PDE9A: variants seen among roughly 807,000 people sequenced by gnomAD.
The protein encoded by PDE9A is high affinity cGMP-specific 3',5'-cyclic phosphodiesterase 9A.
Under a neutral mutation model 87.4 loss-of-function variants are expected in PDE9A, and 60 were observed. That is an observed-to-expected ratio of 0.69 (90% CI 0.56 to 0.85). The LOEUF (loss-of-function observed/expected upper bound fraction) is 0.85. PDE9A is among the 40% of genes least tolerant of loss of function. The pLI is 0.00. For missense variants in PDE9A, 665 were observed against 779.0 expected (o/e 0.85, Z 1.74); for synonymous variants, 272 against 279.4 (o/e 0.97, Z 0.27).
chr21:42,773,784 G>C (rs2057254580), intron 19 of PDE9A, among the ~76,000 whole-genome samples: 1 of 151,112 alleles, frequency 6.6e-6, no homozygotes, highest in East Asian at 2.0e-4. Flanking sequence ...CTGGGCAACA[G>C]AGCGAGACTT....
Position 42,653,888 on chromosome 21 carries a change from C to T in PDE9A, c.69+5C>T. 6.5e-7 allele frequency: 1 copy of T among 1,526,972 alleles called. No individual in the cohort carries two copies. The highest frequency in any genetic ancestry group is 2.5e-5 in the East Asian group (1 of 39,306). The allele number at this position is 1,526,972 out of a possible 1,614,324, so 94.6% of individuals were successfully genotyped here. On this transcript the variant is annotated splice_donor_5th_base_variant and intron_variant, in intron 1 of 19. Coordinates refer to ENST00000291539, the MANE Select transcript of PDE9A (RefSeq NM_002606.3). ...ATCGATGGACGCATTCAGAAGGTAG[C>T]CCCTCCCCCACCCAGACACCCCCTC...
intron 9 of PDE9A, 77 bp from the exon 10 acceptor site, chr21:42,753,913 G>C: frequency 2.8e-6 from 2 of 711,504 alleles, no homozygotes; most frequent in Admixed American, 5.1e-5. Flanking sequence ...GGGAGAAAGA[G>C]GAGAAATATC....
At chr21:42,749,407 T>C (rs1467896755) in intron 8 of PDE9A, among the ~76,000 whole-genome samples, 1 of 152,024 alleles carries the variant, frequency 6.6e-6, no homozygotes, top group African/African-American at 2.4e-5. Context: ...TGAACCCAGA[T>C]CGGCCCAGCC....
intron 18 of PDE9A, among the ~76,000 whole-genome samples, chr21:42,771,445 C>T (rs1348688050): frequency 6.6e-6 from 1 of 152,228 alleles, no homozygotes; most frequent in Non-Finnish European, 1.5e-5. Flanking sequence ...CTCCCAGCCT[C>T]CTGCCTCCTC....
chr21:42,692,163 C>T lies in PDE9A; in HGVS notation c.218+4169C>T, dbSNP rs1273985676. ...TTTCCAGCCCCTAAACGAGGCGGGGCATGCTGGGTGCAGGATGGAATGAGT... is the reference window on the plus strand; with the variant it reads ...TTTCCAGCCCCTAAACGAGGCGGGGTATGCTGGGTGCAGGATGGAATGAGT... On this transcript the variant is annotated intron_variant, in intron 3 of 19. Coordinates refer to ENST00000291539, the MANE Select transcript of PDE9A (RefSeq NM_002606.3). This position sits in a 1 kb window ranked among gnomAD's most constrained non-coding sequence, Gnocchi z 4.3. Among the ~76,000 whole-genome samples, 1 of 152,232 alleles carries T rather than the reference C, an allele frequency of 6.6e-6. No homozygotes were observed.
intron 8 of PDE9A, 62 bp from the exon 9 acceptor site, chr21:42,751,054 G>A: frequency 1.8e-6 from 2 of 1,090,550 alleles, no homozygotes; most frequent in Non-Finnish European, 2.8e-6. Context: ...CTTTTGCTGT[G>A]CTGAGGGCTT....
intron 4 of PDE9A, among the ~76,000 whole-genome samples, chr21:42,707,304 T>C (rs1355940443): frequency 3.9e-5 from 6 of 152,072 alleles, no homozygotes; most frequent in Non-Finnish European, 7.4e-5. Context: ...GCAGCCTGGG[T>C]GGGAGGTCCC....
chr21:42,764,280 T>C (rs1569270357), intron 14 of PDE9A, among the ~76,000 whole-genome samples: 1 of 152,248 alleles, frequency 6.6e-6, no homozygotes, highest in Non-Finnish European at 1.5e-5. Context: ...TGGTTCCCAG[T>C]ACAGTTATCT....
intron 16 of PDE9A, 117 bp downstream of exon 16, chr21:42,768,409 G>C (rs2056610431): frequency 1.9e-6 from 2 of 1,029,218 alleles, no homozygotes; most frequent in Admixed American, 2.4e-5. Context: ...GCTGCCGACA[G>C]TTCAGCCTCC....
rs891906667 is a variant in PDE9A, at chr21:42,759,912, T to A, written c.898-416T>A. Among the ~76,000 whole-genome samples the A allele has an allele frequency of 5.3e-5, 8 of 152,142 alleles. No individual in the cohort carries two copies. The highest frequency in any genetic ancestry group is 3.9e-4 in the East Asian group (2 of 5,192). On this transcript the variant is annotated intron_variant, in intron 11 of 19. Transcript: ENST00000291539. This position sits in a 1 kb window ranked among gnomAD's most constrained non-coding sequence, Gnocchi z 7.2. ...GAATATGTTTGGCAGCAGGTTTTTT[T>A]AATGAAATATTGCTCAGAACCAAAT...
At chr21:42,670,158 CACACACATTCACACGCACACATACACTT>C (rs2058330353) in intron 1 of PDE9A, among the ~76,000 whole-genome samples, 1 of 101,558 alleles carries the variant, frequency 9.8e-6, no homozygotes, top group East Asian at 5.1e-4. Flanking sequence ...CATTCACACG[CACACACATTCACACGCACACATACACTT>C]ACACACATTC....
chr21:42,680,225 A>ACAGT (rs2059095411), intron 1 of PDE9A, among the ~76,000 whole-genome samples: 1 of 152,238 alleles, frequency 6.6e-6, no homozygotes, highest in Non-Finnish European at 1.5e-5. Flanking sequence ...TGGCTCACTG[A>ACAGT]CAGTCGCCAC....
chr21:42,721,296 C>T (rs1224778361), intron 4 of PDE9A, among the ~76,000 whole-genome samples: 1 of 152,154 alleles, frequency 6.6e-6, no homozygotes, highest in Admixed American at 6.5e-5. Context: ...CGATTCAATG[C>T]CTGCCCCTGA....
intron 7 of PDE9A, among the ~76,000 whole-genome samples, chr21:42,737,601 C>G (rs13051037): frequency 0.56 from 84,866 of 151,370 alleles, 23,989 homozygotes; most frequent in South Asian, 0.69. Context: ...GGGATTATAG[C>G]TGCCCGCCAC....
chr21:42,741,137 C>A (rs1025589798), intron 7 of PDE9A: 1 of 152,238 alleles, frequency 6.6e-6, no homozygotes, highest in Admixed American at 6.5e-5. Flanking sequence ...GACTGAGCTC[C>A]TTTCTGCCAC....
At chr21:42,665,592 G>C (rs897545825) in intron 1 of PDE9A, among the ~76,000 whole-genome samples, 5 of 152,182 alleles carry the variant, frequency 3.3e-5, no homozygotes, top group African/African-American at 1.2e-4. Context: ...ACCTTGCTCT[G>C]CTCCTACAGC....
intron 1 of PDE9A, among the ~76,000 whole-genome samples, chr21:42,670,156 C>T (rs1244932902): frequency 2.1e-5 from 3 of 143,102 alleles, no homozygotes; most frequent in Non-Finnish European, 4.7e-5. Context: ...CACATTCACA[C>T]GCACACACAT....
At chr21:42,685,620 C>T (rs2059419334) in intron 1 of PDE9A, among the ~76,000 whole-genome samples, 1 of 151,974 alleles carries the variant, frequency 6.6e-6, no homozygotes, top group African/African-American at 2.4e-5. Context: ...GCACCTGCCA[C>T]CACGCCCGGC....
intron 15 of PDE9A, among the ~76,000 whole-genome samples, chr21:42,765,875 G>T (rs992384759): frequency 6.6e-6 from 1 of 152,136 alleles, no homozygotes; most frequent in Non-Finnish European, 1.5e-5. Context: ...CACAGCTCCC[G>T]CTCCCCAAGC....
Sources: gnomAD v4.1 joint callset for allele counts (sites outside exome capture counted in the v4.1 genomes callset) on GRCh38, gnomAD v4.1.1 for gene constraint, Gnocchi (gnomAD v3.1) non-coding constraint, MANE v1.5 for transcripts, NCBI Gene and HGNC (gene_info 2026-07-23, HGNC 2026-07-21) for gene names.